The following SDC2 variants were observed in gnomAD, a reference collection of about 807,000 sequenced individuals.
SDC2 encodes the protein syndecan-2.
A neutral mutation model predicts 22.2 loss-of-function variants in SDC2; 13 were observed. The observed-to-expected ratio is 0.59, with a 90% CI of 0.38 to 0.93. SDC2 has a LOEUF of 0.93. SDC2 is among the 40% of genes least tolerant of loss of function. The pLI, the probability that SDC2 is intolerant of heterozygous loss-of-function variation, is 0.00. For synonymous variants in SDC2, 94 were observed against 92.8 expected (o/e 1.01, Z -0.07); for missense variants, 235 against 246.8 (o/e 0.95, Z 0.32).
chr8:96,571,447 A>G (rs550898691), intron 1 of SDC2, among the ~76,000 whole-genome samples: 1 of 152,328 alleles, frequency 6.6e-6, no homozygotes, highest in African/African-American at 2.4e-5. Flanking sequence ...AAAACTTGAA[A>G]ATAGAAACAA....
intron 1 of SDC2, among the ~76,000 whole-genome samples, chr8:96,560,879 A>G (rs1814198220): frequency 6.6e-6 from 1 of 152,094 alleles, no homozygotes; most frequent in Non-Finnish European, 1.5e-5. Flanking sequence ...GCTGAGGTGG[A>G]CGGGTCACTT....
chr8:96,494,293 C>T lies in SDC2; in HGVS notation c.22C>T (p.Leu8Phe), dbSNP rs886255077. The change falls in exon 1 of 5, where the codon CTC becomes TTC. Residue 8 changes from leucine to phenylalanine, a missense_variant. Physicochemically the swap from Leu to Phe is conservative, Grantham distance 22. Transcript: ENST00000302190. ...GAATATGCGGCGCGCGTGGATCCTGCTCACCTTGGGCTTGGTGGCCTGCGT... is the reference window on the plus strand; with the variant it reads ...GAATATGCGGCGCGCGTGGATCCTGTTCACCTTGGGCTTGGTGGCCTGCGT... MRRAWIL[L>F]TLGLVACVSA... The T allele has an allele frequency of 6.5e-7, 1 of 1,547,320 alleles. No individual in the cohort carries two copies. Among genetic ancestry groups the T allele is most frequent in the East Asian group, 2.4e-5 (1 of 41,308 alleles).
rs182328015 is a variant in SDC2, at chr8:96,565,983, C to T, written c.61-27497C>T. ...AGTCTTGCTTCTTTCCTGCCCTGTACACCACGTACCAGCTGTGTGATCTTG... is the reference window on the plus strand; with the variant it reads ...AGTCTTGCTTCTTTCCTGCCCTGTATACCACGTACCAGCTGTGTGATCTTG... On this transcript the variant is annotated intron_variant, in intron 1 of 4. Transcript: ENST00000302190. Among the ~76,000 whole-genome samples the T allele has an allele frequency of 8.6e-4, 131 of 152,008 alleles. 1 individual carries two copies. The highest frequency in any genetic ancestry group is 3.1e-3 in the African/African-American group (127 of 41,454).
intron 1 of SDC2, among the ~76,000 whole-genome samples, chr8:96,517,954 A>G (rs1813432457): frequency 6.6e-6 from 1 of 152,136 alleles, no homozygotes; most frequent in South Asian, 2.1e-4. Context: ...CAGCTGAGCT[A>G]ATTTAACAGG....
At chr8:96,552,724 T>A (rs956043464) in intron 1 of SDC2, among the ~76,000 whole-genome samples, 3 of 152,224 alleles carry the variant, frequency 2.0e-5, no homozygotes, top group Non-Finnish European at 2.9e-5. Flanking sequence ...ATTTTGAAGC[T>A]CCATTTTGTT....
At chr8:96,560,623 T>G (rs547951797) in intron 1 of SDC2, among the ~76,000 whole-genome samples, 4 of 152,298 alleles carry the variant, frequency 2.6e-5, no homozygotes, top group South Asian at 4.1e-4. Flanking sequence ...GGAAGGAGTT[T>G]TTCTGAATTT....
intron 1 of SDC2, among the ~76,000 whole-genome samples, chr8:96,516,878 C>T (rs538212455): frequency 1.5e-4 from 23 of 152,158 alleles, no homozygotes; most frequent in Non-Finnish European, 2.8e-4. Context: ...GGAGTAATGC[C>T]GCCATAAGCA....
chr8:96,498,570 AACCACCACC>A (rs1813110919), intron 1 of SDC2, among the ~76,000 whole-genome samples: 1 of 151,890 alleles, frequency 6.6e-6, no homozygotes, highest in South Asian at 2.1e-4. Flanking sequence ...ACCTCACTGC[AACCACCACC>A]TCCCAGGTTC....
At chr8:96,535,676 T>G (rs1251325944) in intron 1 of SDC2, among the ~76,000 whole-genome samples, 1 of 152,212 alleles carries the variant, frequency 6.6e-6, no homozygotes, top group Non-Finnish European at 1.5e-5. Context: ...GGTGTCTGTA[T>G]TTTGGGCTGA....
chr8:96,581,793 C>G (rs1814594583), intron 1 of SDC2, among the ~76,000 whole-genome samples: 1 of 152,114 alleles, frequency 6.6e-6, no homozygotes, highest in South Asian at 2.1e-4. Context: ...GGCCACGTGT[C>G]AGTTTGTACA....
In SDC2 at chr8:96,610,437, C is replaced by CT; in HGVS notation, c.*894dup. Reference sequence around the variant, plus strand: ...AAAAATGCATTTAAGTTGTAAACGTCTTTTTAAGCCTTTGAAGTGCCTCTG... The same window carrying CT: ...AAAAATGCATTTAAGTTGTAAACGTCTTTTTTAAGCCTTTGAAGTGCCTCTG... On this transcript the variant is annotated 3_prime_UTR_variant, in exon 5 of 5. Coordinates refer to ENST00000302190, the MANE Select transcript of SDC2 (RefSeq NM_002998.4). 6.6e-6 allele frequency: 1 copy of CT among 152,642 alleles called. No homozygotes were observed. Among genetic ancestry groups the CT allele is most frequent in the East Asian group, 1.9e-4 (1 of 5,176 alleles). 9.5% of individuals were successfully genotyped at this position (152,642 alleles called of 1,614,324 possible). A position where few individuals can be genotyped will look rare whatever the true frequency, so the allele number is the denominator to read the frequency against.
chr8:96,590,366 G>C (rs1349586245), intron 1 of SDC2, among the ~76,000 whole-genome samples: 1 of 152,196 alleles, frequency 6.6e-6, no homozygotes. Context: ...TTCGTCCAGC[G>C]TCTCGGTCCC....
At chr8:96,563,417 T>C (rs907980223) in intron 1 of SDC2, among the ~76,000 whole-genome samples, 1 of 152,228 alleles carries the variant, frequency 6.6e-6, no homozygotes, top group African/African-American at 2.4e-5. Flanking sequence ...GCTACCTAAC[T>C]AAGCTGAGTG....
At chr8:96,554,364 A>C (rs769207429) in intron 1 of SDC2, among the ~76,000 whole-genome samples, 3 of 152,200 alleles carry the variant, frequency 2.0e-5, no homozygotes, top group Non-Finnish European at 4.4e-5. Context: ...AGCAAAGCTC[A>C]AGTATTAGGC....
Position 96,494,238 on chromosome 8 carries a change from A to G in SDC2, c.-34A>G, listed in dbSNP as rs1203385541. On this transcript the variant is annotated 5_prime_UTR_variant, in exon 1 of 5. Coordinates refer to ENST00000302190, the MANE Select transcript of SDC2 (RefSeq NM_002998.4). ...GAGGCTTCGTTTTGCCCTGGTTGCA[A>G]GCAGCGGCTGGGAGCAGCCGGTCCC... 4 of 1,539,964 alleles carry G rather than the reference A, an allele frequency of 2.6e-6. No individual in the cohort carries two copies. The highest frequency in any genetic ancestry group is 1.7e-4 in the Middle Eastern group (1 of 5,836).
intron 2 of SDC2, among the ~76,000 whole-genome samples, chr8:96,596,139 A>C (rs958296110): frequency 3.9e-5 from 6 of 152,232 alleles, no homozygotes; most frequent in Non-Finnish European, 7.3e-5. Context: ...TGAGGCACAG[A>C]GAGATTCACT....
chr8:96,584,722 G>C (rs1814652314), intron 1 of SDC2, among the ~76,000 whole-genome samples: 1 of 152,192 alleles, frequency 6.6e-6, no homozygotes. Context: ...AGTTTGGGAA[G>C]GGGAGAGGCA....
chr8:96,511,714 C>G (rs1387119009), intron 1 of SDC2, among the ~76,000 whole-genome samples: 1 of 151,622 alleles, frequency 6.6e-6, no homozygotes, highest in Non-Finnish European at 1.5e-5. Context: ...GCAATGGAAA[C>G]TTTTTGGTTC....
chr8:96,583,841 A>G (rs1814637621), intron 1 of SDC2, among the ~76,000 whole-genome samples: 1 of 152,142 alleles, frequency 6.6e-6, no homozygotes. Flanking sequence ...ATGATTTTTA[A>G]TGGCTATGTT....
Sources: allele counts gnomAD v4.1 joint callset (sites outside exome capture counted in the v4.1 genomes callset), GRCh38; gene constraint gnomAD v4.1.1; transcripts MANE v1.5; gene names NCBI Gene and HGNC (gene_info 2026-07-23, HGNC 2026-07-21).